Variants in TTC17 observed in about 807,000 individuals in gnomAD.
The protein encoded by TTC17 is tetratricopeptide repeat protein 17.
A neutral mutation model predicts 143.8 loss-of-function variants in TTC17; 58 were observed. That is an observed-to-expected ratio of 0.40 (90% CI 0.33 to 0.50). TTC17 has a LOEUF of 0.50. Ranked by LOEUF, TTC17 falls within the 20% of genes least tolerant of loss-of-function variation. The probability of loss-of-function intolerance (pLI) is 0.49; values close to 1 mark genes in which losing one functional copy is unlikely to be tolerated. For synonymous variants in TTC17, 501 were observed against 497.8 expected, an observed-to-expected ratio of 1.01 and a Z score of -0.09; for missense variants, 1,273 against 1,392.5, an observed-to-expected ratio of 0.91 and a Z score of 1.37.
At chr11:43,427,727 G>T (rs1241701377) in intron 16 of TTC17, among the ~76,000 whole-genome samples, 3 of 152,098 alleles carry the variant, frequency 2.0e-5, no homozygotes, top group African/African-American at 7.2e-5. Flanking sequence ...GACTTGCCAT[G>T]GTAGTTATCT....
At chr11:43,360,509 G>A (rs930304045) in intron 1 of TTC17, among the ~76,000 whole-genome samples, 1 of 152,160 alleles carries the variant, frequency 6.6e-6, no homozygotes, top group Non-Finnish European at 1.5e-5. Flanking sequence ...CACTCCTGCT[G>A]CATTTTGGGG....
At chr11:43,419,110 G>A (rs1477365009) in intron 16 of TTC17, among the ~76,000 whole-genome samples, 1 of 152,088 alleles carries the variant, frequency 6.6e-6, no homozygotes, top group Non-Finnish European at 1.5e-5. Flanking sequence ...AGATTTCTGA[G>A]CTCTGGTCAT....
At chr11:43,434,580 A>T (rs947569479) in intron 16 of TTC17, among the ~76,000 whole-genome samples, 10 of 152,204 alleles carry the variant, frequency 6.6e-5, no homozygotes, top group African/African-American at 9.6e-5. Flanking sequence ...GAAAAAATAT[A>T]AAGCATTCAA....
intron 6 of TTC17, 159 bp from the exon 7 acceptor site, chr11:43,397,188 T>C (rs890968678): frequency 2.7e-5 from 20 of 739,186 alleles, no homozygotes; most frequent in Non-Finnish European, 4.1e-5. Context: ...AATTTGTAGC[T>C]ATCAGATTAA....
At chr11:43,425,862 A>G (rs910130709) in intron 16 of TTC17, among the ~76,000 whole-genome samples, 44 of 152,336 alleles carry the variant, frequency 2.9e-4, no homozygotes, top group African/African-American at 1.0e-3. Flanking sequence ...AAAAGGCCAT[A>G]GCTTTGGATT....
intron 16 of TTC17, among the ~76,000 whole-genome samples, chr11:43,433,396 T>G (rs1947205208): frequency 6.6e-6 from 1 of 152,184 alleles, no homozygotes; most frequent in Admixed American, 6.6e-5. Flanking sequence ...TGATGCCTAC[T>G]TCCAAGAAAT....
chr11:43,385,884 A>T (rs1208472764), intron 2 of TTC17, among the ~76,000 whole-genome samples: 84 of 151,824 alleles, frequency 5.5e-4, no homozygotes, highest in Non-Finnish European at 1.9e-4. Context: ...TATTTAAAAA[A>T]TAAACCAAAC....
At chr11:43,456,085 C>T (rs1205118984) in intron 21 of TTC17, among the ~76,000 whole-genome samples, 1 of 151,898 alleles carries the variant, frequency 6.6e-6, no homozygotes, top group Admixed American at 6.6e-5. Context: ...GGGAAAAAAT[C>T]ATATAATTAT....
At position 43,461,390 on chromosome 11, in the gene TTC17, CAAAAAAAAAAAAAAAA is replaced by C. The variant is rs750240102; in HGVS notation, c.3030+10136_3030+10151del. Among the ~76,000 whole-genome samples, 186 of 36,066 alleles carry C rather than the reference CAAAAAAAAAAAAAAAA, an allele frequency of 5.2e-3. 2 individuals carry two copies. The highest frequency in any genetic ancestry group is 0.018 in the African/African-American group (176 of 9,830). 23.7% of individuals were successfully genotyped at this position (36,066 alleles called of 152,430 possible). A position where few individuals can be genotyped will look rare whatever the true frequency, so the allele number is the denominator to read the frequency against. On this transcript the variant is annotated intron_variant, in intron 21 of 23. Transcript: ENST00000039989. Reference sequence around the variant, plus strand: ...TGGGCGACAGAGCGAAACTCCGTCTCAAAAAAAAAAAAAAAAAAAAAAAAAACTAGAAGCCATTGTA... The same window carrying C: ...TGGGCGACAGAGCGAAACTCCGTCTCAAAAAAAAAACTAGAAGCCATTGTA...
chr11:43,389,880 T>A, intron 3 of TTC17, 59 bp downstream of exon 3: 1 of 1,456,410 alleles, frequency 6.9e-7, no homozygotes, highest in Non-Finnish European at 9.3e-7. Flanking sequence ...CTTTCTCAAA[T>A]TAGTAAGAAA....
Position 43,494,084 on chromosome 11 carries a change from C to A in TTC17, c.*180C>A. On this transcript the variant is annotated 3_prime_UTR_variant, in exon 24 of 24. Transcript: ENST00000039989. ...TTTGTTTTTACGTTTCTCCTTTCCC[C>A]CAACCAACCTCAGAAGAGGCACCTT... The A allele has an allele frequency of 2.4e-6, 2 of 834,420 alleles. No homozygotes were observed. The highest frequency in any genetic ancestry group is 2.9e-5 in the East Asian group (1 of 34,764). 51.7% of individuals were successfully genotyped at this position (834,420 alleles called of 1,614,324 possible). A position where few individuals can be genotyped will look rare whatever the true frequency, so the allele number is the denominator to read the frequency against.
intron 21 of TTC17, among the ~76,000 whole-genome samples, chr11:43,458,687 A>G (rs191399093): frequency 6.6e-6 from 1 of 152,264 alleles, no homozygotes; most frequent in African/African-American, 2.4e-5. Context: ...CATCAGGCTC[A>G]GAGTCTACTT....
At chr11:43,458,032 A>G (rs1387949685) in intron 21 of TTC17, among the ~76,000 whole-genome samples, 1 of 152,184 alleles carries the variant, frequency 6.6e-6, no homozygotes, top group Non-Finnish European at 1.5e-5. Context: ...CCAGGAGGAA[A>G]AATATTATTT....
At chr11:43,381,381 C>T (rs1856961673) in intron 2 of TTC17, among the ~76,000 whole-genome samples, 1 of 152,040 alleles carries the variant, frequency 6.6e-6, no homozygotes. Context: ...GGCTCCAAGG[C>T]CAGGAGCAGA....
chr11:43,488,742 G>C (rs1176535411), intron 21 of TTC17, among the ~76,000 whole-genome samples: 1 of 152,032 alleles, frequency 6.6e-6, no homozygotes, highest in Non-Finnish European at 1.5e-5. Context: ...TCTCCTGCAG[G>C]CTGAAGTGCA....
intron 16 of TTC17, among the ~76,000 whole-genome samples, chr11:43,440,168 T>A (rs894807496): frequency 6.6e-6 from 1 of 152,232 alleles, no homozygotes; most frequent in African/African-American, 2.4e-5. Context: ...ATAGGACAGT[T>A]GTGTAGGACA....
At chr11:43,475,232 T>C (rs1948163587) in intron 21 of TTC17, among the ~76,000 whole-genome samples, 1 of 152,200 alleles carries the variant, frequency 6.6e-6, no homozygotes, top group South Asian at 2.1e-4. Context: ...AGAAGTGCTT[T>C]GAATTTCAGA....
intron 2 of TTC17, among the ~76,000 whole-genome samples, chr11:43,381,963 G>A (rs1372314354): frequency 6.6e-6 from 1 of 152,222 alleles, no homozygotes; most frequent in Non-Finnish European, 1.5e-5. Flanking sequence ...ATTCAAGAAT[G>A]GATGTCACGT....
intron 21 of TTC17, among the ~76,000 whole-genome samples, chr11:43,468,929 C>T (rs1341224584): frequency 2.0e-5 from 3 of 152,064 alleles, no homozygotes; most frequent in Non-Finnish European, 4.4e-5. Context: ...CTTCAACAGA[C>T]ACTTAAGAAA....
Sources: gnomAD v4.1 joint callset for allele counts (sites outside exome capture counted in the v4.1 genomes callset) on GRCh38, gnomAD v4.1.1 for gene constraint, MANE v1.5 for transcripts, NCBI Gene and HGNC (gene_info 2026-07-23, HGNC 2026-07-21) for gene names.